The following DIAPH2 variants were observed in gnomAD, a reference collection of about 807,000 sequenced individuals.
DIAPH2 encodes the protein diaphanous related formin 2, also known as protein diaphanous homolog 2.
DIAPH2 carries 35 observed loss-of-function variants against 92.7 expected under a neutral mutation model. That is an observed-to-expected ratio of 0.38 (90% CI 0.29 to 0.50). DIAPH2 has a LOEUF of 0.50. Ranked by LOEUF, DIAPH2 falls within the 20% of genes least tolerant of loss-of-function variation. DIAPH2 has a pLI of 0.94. For missense variants in DIAPH2, 701 were observed against 819.5 expected, an observed-to-expected ratio of 0.86 and a Z score of 1.77; for synonymous variants, 301 against 280.4, an observed-to-expected ratio of 1.07 and a Z score of -0.73.
At chrX:97,159,473 T>C (rs947428228) in intron 22 of DIAPH2, among the ~76,000 whole-genome samples, 1 of 111,936 alleles carries the variant, frequency 8.9e-6, no homozygotes, top group African/African-American at 3.2e-5. Flanking sequence ...TCTGAACATA[T>C]CTTGGAGCCA....
intron 1 of DIAPH2, among the ~76,000 whole-genome samples, chrX:96,729,447 CA>C (rs754977103): frequency 8.9e-6 from 1 of 111,799 alleles, no homozygotes; most frequent in Admixed American, 9.5e-5. Context: ...TTTCCTGAAC[CA>C]TTTACCCTTA....
At chrX:97,369,435 ATTGCC>A (rs1569376152) in intron 24 of DIAPH2, among the ~76,000 whole-genome samples, 1 of 107,799 alleles carries the variant, frequency 9.3e-6, no homozygotes, top group Admixed American at 1.0e-4. Context: ...CTATAACTTC[ATTGCC>A]CTTACCAGCA....
intron 22 of DIAPH2, among the ~76,000 whole-genome samples, chrX:97,239,806 C>T (rs779941439): frequency 1.3e-4 from 14 of 108,794 alleles, no homozygotes; most frequent in African/African-American, 4.7e-4. Flanking sequence ...CTACAGGTAC[C>T]ATCATCACCC....
intron 22 of DIAPH2, among the ~76,000 whole-genome samples, chrX:97,150,857 G>A (rs1034384130): frequency 9.0e-6 from 1 of 111,358 alleles, no homozygotes; most frequent in Non-Finnish European, 1.9e-5. Context: ...ACACAGTGTC[G>A]GCATAATAAA....
chrX:97,580,093 A>G (rs1198116093), intron 26 of DIAPH2, among the ~76,000 whole-genome samples: 2 of 111,382 alleles, frequency 1.8e-5, no homozygotes, highest in African/African-American at 6.6e-5. Context: ...TTTTCTAGAT[A>G]TACAATCATG....
chrX:96,854,063 T>A (rs1217821712), intron 4 of DIAPH2, among the ~76,000 whole-genome samples: 1 of 111,668 alleles, frequency 9.0e-6, no homozygotes, highest in South Asian at 3.7e-4. Context: ...GGTGTCATCT[T>A]ACGTGATGTA....
intron 22 of DIAPH2, among the ~76,000 whole-genome samples, chrX:97,155,990 G>T (rs1364346428): frequency 8.9e-6 from 1 of 112,206 alleles, no homozygotes; most frequent in East Asian, 2.8e-4. Flanking sequence ...GTGGTTTGTG[G>T]TAATGATTGG....
At chrX:97,252,960 A>G (rs146813441) in intron 23 of DIAPH2, among the ~76,000 whole-genome samples, 210 of 111,360 alleles carry the variant, frequency 1.9e-3, no homozygotes, top group African/African-American at 6.3e-3. Context: ...AGTAATACAG[A>G]TAATGCATAC....
chrX:96,864,710 C>G (rs1226799800), intron 4 of DIAPH2, among the ~76,000 whole-genome samples: 1 of 111,276 alleles, frequency 9.0e-6, no homozygotes, highest in Non-Finnish European at 1.9e-5. Context: ...GACAACTGAG[C>G]CAGTCCTTTG....
intron 24 of DIAPH2, among the ~76,000 whole-genome samples, chrX:97,369,240 C>T (rs1283916011): frequency 5.4e-5 from 6 of 111,156 alleles, no homozygotes; most frequent in African/African-American, 2.0e-4. Context: ...TTAAACTAAG[C>T]CAACACCGAA....
At chrX:97,118,759 GA>G (rs1427181425) in intron 21 of DIAPH2, among the ~76,000 whole-genome samples, 1 of 111,901 alleles carries the variant, frequency 8.9e-6, no homozygotes, top group Non-Finnish European at 1.9e-5. Context: ...CTGGTAAATT[GA>G]AAAAGAAGAA....
At chrX:97,486,187 T>C (rs1290261802) in intron 26 of DIAPH2, among the ~76,000 whole-genome samples, 1 of 111,636 alleles carries the variant, frequency 9.0e-6, no homozygotes, top group Non-Finnish European at 1.9e-5. Flanking sequence ...TTCATAATTA[T>C]TATTCAATTG....
intron 23 of DIAPH2, 79 bp downstream of exon 23, chrX:97,247,918 T>G (rs961507490): frequency 1.8e-5 from 16 of 878,876 alleles, no homozygotes; most frequent in Non-Finnish European, 2.4e-5. Context: ...TGGTTAGTTC[T>G]AGATTTACTA....
At chrX:97,270,862 A>G (rs974128220) in intron 23 of DIAPH2, among the ~76,000 whole-genome samples, 1 of 110,144 alleles carries the variant, frequency 9.1e-6, no homozygotes, top group Non-Finnish European at 1.9e-5. Flanking sequence ...GTAAAAAGAA[A>G]GTGACATTTG....
Position 96,939,443 on chromosome X carries a change from A to T in DIAPH2, c.1325+61A>T, listed in dbSNP as rs1311944555. 5.2e-5 allele frequency: 23 copies of T among 443,990 alleles called. No individual in the cohort carries two copies. In the Admixed American group the frequency reaches 7.3e-4, roughly 14 times the overall value. 36.6% of individuals were successfully genotyped at this position (443,990 alleles called of 1,213,427 possible). On this transcript the variant is annotated intron_variant, in intron 12 of 26. Coordinates refer to ENST00000324765, the MANE Select transcript of DIAPH2 (RefSeq NM_006729.5). ...TTGAATCGGATATTAAAGGAAAATG[A>T]ACAATGTAGTGGGGCCTAAGCAATA...
At chrX:97,131,386 A>G (rs481428) in intron 21 of DIAPH2, among the ~76,000 whole-genome samples, 2 of 111,645 alleles carry the variant, frequency 1.8e-5, no homozygotes, top group East Asian at 2.8e-4. Flanking sequence ...TAGACCTTCA[A>G]AGTTTTTCAT....
intron 21 of DIAPH2, among the ~76,000 whole-genome samples, chrX:97,119,466 G>A (rs1029975420): frequency 9.0e-6 from 1 of 111,727 alleles, no homozygotes; most frequent in Non-Finnish European, 1.9e-5. Context: ...GCAGGGGGGT[G>A]AAATGGACTC....
At chrX:97,274,169 T>C (rs2068417270) in intron 23 of DIAPH2, among the ~76,000 whole-genome samples, 1 of 110,306 alleles carries the variant, frequency 9.1e-6, no homozygotes, top group Admixed American at 9.8e-5. Context: ...GAACACATTT[T>C]TGAAAACCAG....
chrX:97,573,658 T>G (rs774011802), intron 26 of DIAPH2, among the ~76,000 whole-genome samples: 4 of 106,862 alleles, frequency 3.7e-5, no homozygotes, highest in South Asian at 8.2e-4. Flanking sequence ...GTTTTTTTGT[T>G]TTTTTTTTTG....
Sources: allele counts gnomAD v4.1 joint callset (sites outside exome capture counted in the v4.1 genomes callset), GRCh38; gene constraint gnomAD v4.1.1; transcripts MANE v1.5; gene names NCBI Gene and HGNC (gene_info 2026-07-23, HGNC 2026-07-21).